Variants in PLXDC2 observed in about 807,000 individuals in gnomAD.
PLXDC2 encodes the protein plexin domain containing 2, also known as plexin domain-containing protein 2.
Under a neutral mutation model 68.9 loss-of-function variants are expected in PLXDC2, and 40 were observed. That is an observed-to-expected ratio of 0.58 (90% confidence interval 0.45 to 0.76). PLXDC2 has a LOEUF of 0.76. Ranked by LOEUF, PLXDC2 falls within the 30% of genes least tolerant of loss-of-function variation. The probability of loss-of-function intolerance (pLI) is 0.00; values close to 1 mark genes in which losing one functional copy is unlikely to be tolerated. For synonymous variants in PLXDC2, 243 were observed against 234.2 expected, an observed-to-expected ratio of 1.04 and a Z score of -0.34; for missense variants, 644 against 661.9, an observed-to-expected ratio of 0.97 and a Z score of 0.30.
At chr10:19,830,194 C>A (rs890749655) in intron 1 of PLXDC2, among the ~76,000 whole-genome samples, 8 of 151,852 alleles carry the variant, frequency 5.3e-5, no homozygotes, top group Admixed American at 2.6e-4. Context: ...CTGGGAAACA[C>A]CCCCTGGGAA....
intron 4 of PLXDC2, among the ~76,000 whole-genome samples, chr10:20,137,829 G>A (rs749459543): frequency 6.6e-6 from 1 of 152,130 alleles, no homozygotes; most frequent in Non-Finnish European, 1.5e-5. Context: ...TGGGTACTTC[G>A]GTTTCCTCCC....
rs540039704 is a variant in PLXDC2, at chr10:20,154,436, C to T, written c.783+6534C>T. Among the ~76,000 whole-genome samples, 14 of 151,784 alleles carry T rather than the reference C, an allele frequency of 9.2e-5. No homozygotes were observed. In the East Asian group the frequency reaches 9.7e-4, roughly 11 times the overall value. The stretch of plus-strand genomic sequence containing the variant: ...AAAATTAGCTGGGCATGGTGGTGCA[C>T]GCCTGTAATCCTAGCTACTGAGGAG... On this transcript the variant is annotated intron_variant, in intron 6 of 13. Coordinates refer to ENST00000377252, the MANE Select transcript of PLXDC2 (RefSeq NM_032812.9).
intron 4 of PLXDC2, among the ~76,000 whole-genome samples, chr10:20,115,805 G>A (rs2247096): frequency 0.62 from 94,557 of 151,960 alleles, 29,995 homozygotes; most frequent in African/African-American, 0.71. Context: ...CCCCAGTTTC[G>A]TGAAGCTTTG....
intron 2 of PLXDC2, among the ~76,000 whole-genome samples, chr10:20,008,673 G>C (rs1029008134): frequency 6.6e-6 from 1 of 152,162 alleles, no homozygotes; most frequent in African/African-American, 2.4e-5. Flanking sequence ...GAGATGATGT[G>C]GTTTGGCTAT....
chr10:20,153,588 A>G (rs1185220240), intron 6 of PLXDC2, among the ~76,000 whole-genome samples: 2 of 152,164 alleles, frequency 1.3e-5, no homozygotes, highest in East Asian at 1.9e-4. Context: ...ACATTTAACA[A>G]TAACCTCCAA....
chr10:20,070,630 T>C (rs1836300102), intron 4 of PLXDC2, among the ~76,000 whole-genome samples: 1 of 152,216 alleles, frequency 6.6e-6, no homozygotes, highest in Admixed American at 6.5e-5. Context: ...AATCATATCC[T>C]GTCCACTCAT....
chr10:20,259,540 G>A (rs569537269), intron 13 of PLXDC2, among the ~76,000 whole-genome samples: 122 of 152,298 alleles, frequency 8.0e-4, no homozygotes, highest in Non-Finnish European at 2.4e-4. Context: ...GCAGGCATCA[G>A]CTCTAAATAC....
At chr10:20,058,418 C>A (rs556327889) in intron 3 of PLXDC2, among the ~76,000 whole-genome samples, 154 of 152,266 alleles carry the variant, frequency 1.0e-3, no homozygotes, top group African/African-American at 3.5e-3. Flanking sequence ...TTTACTCTTT[C>A]TTAATTACTT....
chr10:20,183,669 A>G (rs958003149), intron 9 of PLXDC2, among the ~76,000 whole-genome samples: 2 of 151,926 alleles, frequency 1.3e-5, no homozygotes, highest in Non-Finnish European at 2.9e-5. Flanking sequence ...ACAATACCCA[A>G]CACAGTGTCT....
chr10:19,930,578 G>A (rs751102778), intron 1 of PLXDC2, among the ~76,000 whole-genome samples: 6 of 152,116 alleles, frequency 3.9e-5, no homozygotes, highest in Admixed American at 1.3e-4. Flanking sequence ...ATAAACAGAA[G>A]GGTATACTGA....
At chr10:20,149,214 C>CTTTTTTTTTTTTTTTTTTTT (rs71200985) in intron 6 of PLXDC2, among the ~76,000 whole-genome samples, 1 of 112,388 alleles carries the variant, frequency 8.9e-6, no homozygotes, top group Non-Finnish European at 1.7e-5. Context: ...ATTTTTCTTT[C>CTTTTTTTTTTTTTTTTTTTT]TTTTTTTTTC....
intron 13 of PLXDC2, among the ~76,000 whole-genome samples, chr10:20,248,893 T>C (rs776378838): frequency 4.6e-5 from 7 of 152,240 alleles, no homozygotes; most frequent in Non-Finnish European, 1.0e-4. Flanking sequence ...GTGAAATTGA[T>C]GTGCTTTCTT....
At chr10:20,253,893 G>A (rs1036538320) in intron 13 of PLXDC2, among the ~76,000 whole-genome samples, 2 of 152,286 alleles carry the variant, frequency 1.3e-5, no homozygotes, top group South Asian at 2.1e-4. Context: ...GGTTGTAGAT[G>A]TTATAAAATC....
chr10:20,058,433 A>G (rs1405597438), intron 3 of PLXDC2, among the ~76,000 whole-genome samples: 1 of 152,176 alleles, frequency 6.6e-6, no homozygotes, highest in Non-Finnish European at 1.5e-5. Flanking sequence ...TTACTTCCTC[A>G]TCTATTAAAT....
chr10:20,120,632 A>G (rs911267848), intron 4 of PLXDC2, among the ~76,000 whole-genome samples: 38 of 152,128 alleles, frequency 2.5e-4, no homozygotes, highest in Non-Finnish European at 8.8e-5. Context: ...TACCTAGACT[A>G]CGAGGTATTT....
At chr10:19,888,555 GC>G (rs2131357637) in intron 1 of PLXDC2, among the ~76,000 whole-genome samples, 1 of 152,274 alleles carries the variant, frequency 6.6e-6, no homozygotes, top group East Asian at 1.9e-4. Flanking sequence ...CCAGAATATG[GC>G]TGTAGGGCAC....
intron 3 of PLXDC2, among the ~76,000 whole-genome samples, chr10:20,062,817 A>T (rs1014132754): frequency 4.6e-5 from 7 of 152,148 alleles, no homozygotes; most frequent in African/African-American, 2.4e-5. Context: ...TTATTGAATC[A>T]TTTTTATGTA....
Position 20,046,904 on chromosome 10 carries a change from A to G in PLXDC2, c.360A>G (p.Ile120Met). The G allele has an allele frequency of 1.2e-6, 2 of 1,612,492 alleles. No homozygotes were observed. The highest frequency in any genetic ancestry group is 1.7e-6 in the Non-Finnish European group (2 of 1,179,036). Reference protein sequence around the residue: ...DTDHNYYISRIYGPSDSASRD... With the variant: ...DTDHNYYISRMYGPSDSASRD... ...ACCACAATTACTATATATCTCGAAT[A>G]TATGGTCCATCTGATTCTGCCAGCC... is the stretch of plus-strand genomic sequence containing the variant. The change falls in exon 3 of 14, where the codon ATA becomes ATG. Residue 120 changes from isoleucine (I) to methionine (M), a missense_variant. This residue lies in a region of PLXDC2 where 201 missense variants were observed against 166.9 expected (regional missense o/e 1.20). Transcript: ENST00000377252.
rs377557504 is a variant in PLXDC2 at position 19,969,290 on chromosome 10, T to C, written c.113-32485T>C. ...CCCTTAAGGGGAAATCAAATACATA[T>C]GTACTCGGTTTCTGTTCAGTGGAAA... On this transcript the variant is annotated intron_variant, in intron 1 of 13. Coordinates refer to ENST00000377252, the MANE Select transcript of PLXDC2 (RefSeq NM_032812.9). Among the ~76,000 whole-genome samples the C allele has an allele frequency of 1.1e-3, 170 of 152,340 alleles. 1 individual carries two copies. Among genetic ancestry groups the C allele is most frequent in the African/African-American group, 4.0e-3 (166 of 41,578 alleles).
Sources: gnomAD v4.1 joint callset for allele counts (sites outside exome capture counted in the v4.1 genomes callset) on GRCh38, gnomAD v4.1.1 for gene constraint, gnomAD v4.1.1 regional missense constraint, MANE v1.5 for transcripts, NCBI Gene and HGNC (gene_info 2026-07-23, HGNC 2026-07-21) for gene names.